The following TNRC6B variants were observed in gnomAD, a reference collection of about 807,000 sequenced individuals.
TNRC6B encodes trinucleotide repeat-containing gene 6B protein.
A neutral mutation model predicts 203.6 loss-of-function variants in TNRC6B; 52 were observed. The ratio of observed to expected loss-of-function variants is 0.26; its 90% CI spans 0.20 to 0.32. TNRC6B has a LOEUF of 0.32. Ranked by LOEUF, TNRC6B falls within the 10% of genes least tolerant of loss-of-function variation. TNRC6B has a pLI of 1.00. For synonymous variants in TNRC6B, 838 were observed against 845.7 expected (o/e 0.99, Z 0.16); for missense variants, 1,923 against 2,286.2 (o/e 0.84, Z 3.24).
intron 6 of TNRC6B, among the ~76,000 whole-genome samples, chr22:40,272,874 A>G (rs2070583426): frequency 6.6e-6 from 1 of 152,058 alleles, no homozygotes; most frequent in Admixed American, 6.6e-5. Context: ...CTATATGTGA[A>G]TTTTTCTTCT....
chr22:40,312,464 TAACGAC>T, intron 17 of TNRC6B, 35 bp from the exon 18 acceptor site: 1 of 1,577,872 alleles, frequency 6.3e-7, no homozygotes, highest in Non-Finnish European at 8.6e-7. Flanking sequence ...CATTTTTTTT[TAACGAC>T]CTTCCTTCTC....
At chr22:40,237,763 G>C (rs1222524483) in intron 1 of TNRC6B, among the ~76,000 whole-genome samples, 1 of 152,072 alleles carries the variant, frequency 6.6e-6, no homozygotes, top group Non-Finnish European at 1.5e-5. Flanking sequence ...CTGTCTCACA[G>C]ATGCCCGCTA....
At chr22:40,107,396 A>G (rs1479029075) in intron 1 of TNRC6B, among the ~76,000 whole-genome samples, 1 of 152,136 alleles carries the variant, frequency 6.6e-6, no homozygotes, top group Non-Finnish European at 1.5e-5. Flanking sequence ...GTTGGTCTTC[A>G]TTACCTGGTT....
In TNRC6B at chr22:40,261,828, T is replaced by C; in HGVS notation, c.116-4T>C. 6.5e-7 allele frequency: 1 copy of C among 1,549,316 alleles called. No individual in the cohort carries two copies. The highest frequency in any genetic ancestry group is 8.8e-7 in the Non-Finnish European group (1 of 1,133,302). ...AAGACTGTTTCCCAACCCCTCTCTT[T>C]TAGTGCCCGAAGTGACGAAACCAAG... is the stretch of plus-strand genomic sequence containing the variant. On this transcript the variant is annotated splice_region_variant and splice_polypyrimidine_tract_variant and intron_variant, in intron 3 of 22. Transcript: ENST00000454349.
At chr22:40,101,791 A>G (rs1428083603) in intron 1 of TNRC6B, among the ~76,000 whole-genome samples, 1 of 152,230 alleles carries the variant, frequency 6.6e-6, no homozygotes, top group African/African-American at 2.4e-5. Context: ...TCCCAGTTCA[A>G]GAATCTGCAG....
At chr22:40,181,982 A>G (rs2069136843) in intron 1 of TNRC6B, among the ~76,000 whole-genome samples, 2 of 150,756 alleles carry the variant, frequency 1.3e-5, no homozygotes, top group African/African-American at 4.9e-5. Flanking sequence ...GTGGTGGCTC[A>G]CGCCTGTAAT....
At position 40,327,937 on chromosome 22, in the gene TNRC6B, A is replaced by G. The variant is rs535302057; in HGVS notation, c.*4696A>G. 3.6e-4 allele frequency: 55 copies of G among 152,114 alleles called. No individual in the cohort carries two copies. Among genetic ancestry groups the G allele is most frequent in the African/African-American group, 1.3e-3 (54 of 41,480 alleles). The allele number at this position is 152,114 out of a possible 1,614,324, so 9.4% of individuals were successfully genotyped here. On this transcript the variant is annotated 3_prime_UTR_variant, in exon 23 of 23. Transcript: ENST00000454349. ...CCTGAACATCACAAACTTGGTTTCTACCTACCACACGAGTAGCCAAAAGAA... is the reference window on the plus strand; with the variant it reads ...CCTGAACATCACAAACTTGGTTTCTGCCTACCACACGAGTAGCCAAAAGAA...
At chr22:40,207,143 C>T (rs1219731510) in intron 1 of TNRC6B, among the ~76,000 whole-genome samples, 3 of 151,910 alleles carry the variant, frequency 2.0e-5, no homozygotes, top group Non-Finnish European at 2.9e-5. Context: ...AAGTCATACA[C>T]CACATACAAA....
At chr22:40,313,110 G>A in intron 19 of TNRC6B, 113 bp downstream of exon 19, 1 of 802,252 alleles carries the variant, frequency 1.2e-6, no homozygotes, top group Non-Finnish European at 2.1e-6. Context: ...AAGTTCAGTA[G>A]CATAGGTCAG....
chr22:40,294,073 CAAAAAAAAAAAAA>C (rs11354611), intron 12 of TNRC6B, among the ~76,000 whole-genome samples: 3 of 80,328 alleles, frequency 3.7e-5, no homozygotes, highest in Non-Finnish European at 7.1e-5. Flanking sequence ...CCCATCTCTA[CAAAAAAAAAAAAA>C]AAAAAAAAAT....
chr22:40,078,900 C>T (rs1157959824), intron 1 of TNRC6B, among the ~76,000 whole-genome samples: 1 of 151,776 alleles, frequency 6.6e-6, no homozygotes. Flanking sequence ...ATGGTGAAAC[C>T]CTGTCTCTAC....
chr22:40,154,098 C>T (rs979877065), intron 3 of TNRC6B, among the ~76,000 whole-genome samples: 40 of 151,758 alleles, frequency 2.6e-4, no homozygotes, highest in Non-Finnish European at 2.2e-4. Flanking sequence ...ATTCTCCTGC[C>T]TCTGTCCCCC....
chr22:40,300,691 G>C, intron 13 of TNRC6B, 105 bp downstream of exon 13: 1 of 1,427,066 alleles, frequency 7.0e-7, no homozygotes, highest in Non-Finnish European at 9.4e-7. Flanking sequence ...ATGTTCAAAG[G>C]GTGCTAGTCC....
At chr22:40,172,322 G>A (rs1310004818) in intron 4 of TNRC6B, among the ~76,000 whole-genome samples, 1 of 152,226 alleles carries the variant, frequency 6.6e-6, no homozygotes, top group Non-Finnish European at 1.5e-5. Context: ...CTTCTCCTAT[G>A]AGGATGTCAG....
chr22:40,255,731 C>T (rs1453013740), intron 3 of TNRC6B, among the ~76,000 whole-genome samples: 2 of 151,962 alleles, frequency 1.3e-5, no homozygotes, highest in African/African-American at 2.4e-5. Flanking sequence ...CAATCTGGCC[C>T]GAACTACACA....
intron 1 of TNRC6B, among the ~76,000 whole-genome samples, chr22:40,223,864 C>T (rs188178348): frequency 2.0e-5 from 3 of 152,248 alleles, no homozygotes; most frequent in Non-Finnish European, 2.9e-5. Context: ...AGATTGCACC[C>T]GTTTATATTC....
rs369830820 is a variant in TNRC6B at position 40,261,892 on chromosome 22, C to T, written c.176C>T (p.Ser59Phe). Residue 59 changes from serine (S) to phenylalanine (F), a missense_variant, in exon 4 of 23, where the codon TCT becomes TTT. Transcript: ENST00000454349. The stretch of plus-strand genomic sequence containing the variant: ...ACGGCCGCCAGCCCAATTGGCAGCT[C>T]TCCATCGCCACCAGTCAATGGTGGC... ...QPTAASPIGSSPSPPVNGGNN... is the reference protein window; with the variant it reads ...QPTAASPIGSFPSPPVNGGNN... 18 of 1,598,788 alleles carry T rather than the reference C, an allele frequency of 1.1e-5. No individual in the cohort carries two copies. In the African/African-American group the frequency reaches 2.1e-4, roughly 19 times the overall value.
In TNRC6B at chr22:40,089,413, A is replaced by C. The variant is rs58699216; in HGVS notation, c.-120-27642A>C. ...ACACCCAGCTAATTTTTTTATTTTT[A>C]GTAGAGATGGGGCTTCACCATGTTG... On this transcript the variant is annotated intron_variant, in intron 1 of 23. Transcript: ENST00000301923. Among the ~76,000 whole-genome samples, 185 of 151,958 alleles carry C rather than the reference A, an allele frequency of 1.2e-3. 3 individuals are homozygous for C. In the East Asian group the frequency reaches 0.034, roughly 28 times the overall value.
At chr22:40,153,889 A>C (rs1191680374) in intron 3 of TNRC6B, among the ~76,000 whole-genome samples, 1 of 150,998 alleles carries the variant, frequency 6.6e-6, no homozygotes, top group Non-Finnish European at 1.5e-5. Flanking sequence ...TAGTAATTTA[A>C]ATTATAATAA....
Sources: allele counts gnomAD v4.1 joint callset (sites outside exome capture counted in the v4.1 genomes callset), GRCh38; gene constraint gnomAD v4.1.1; transcripts MANE v1.5; gene names NCBI Gene and HGNC (gene_info 2026-07-23, HGNC 2026-07-21).